The following PCSK2 variants were observed in gnomAD, a reference collection of about 807,000 sequenced individuals.
PCSK2 encodes neuroendocrine convertase 2.
Under a neutral mutation model 69.7 loss-of-function variants are expected in PCSK2, and 14 were observed. That is an observed-to-expected ratio of 0.20 (90% CI 0.13 to 0.31). The LOEUF is 0.31. Among genes scored for constraint, PCSK2 ranks in the 10% least tolerant of loss-of-function variants. PCSK2 has a pLI of 1.00. For synonymous variants in PCSK2, 307 were observed against 320.7 expected (o/e 0.96, Z 0.46); for missense variants, 544 against 842.5 (o/e 0.65, Z 4.39).
intron 7 of PCSK2, among the ~76,000 whole-genome samples, chr20:17,436,444 T>C (rs193155970): frequency 6.6e-6 from 1 of 152,344 alleles, no homozygotes; most frequent in East Asian, 1.9e-4. Context: ...AGGTGGTCTC[T>C]CCCATCATGA....
At chr20:17,481,451 T>C in intron 11 of PCSK2, 133 bp from the exon 12 acceptor site, 1 of 630,996 alleles carries the variant, frequency 1.6e-6, no homozygotes, top group Non-Finnish European at 2.7e-6. Context: ...ACAGCCAGTG[T>C]GGGAACTAAA....
In PCSK2 at chr20:17,453,679, C is replaced by A; in HGVS notation, c.886-63C>A. ...AGAAGCCCAACCCCTGGGCTGGAGA[C>A]CTCCCCTGCCCCCTCGCAGCCCAGG... On this transcript the variant is annotated intron_variant, in intron 8 of 11. Coordinates refer to ENST00000262545, the MANE Select transcript of PCSK2 (RefSeq NM_002594.5). This position sits in a 1 kb window ranked among gnomAD's most constrained non-coding sequence, Gnocchi z 4.0. The A allele has an allele frequency of 6.3e-7, 1 of 1,583,316 alleles. No homozygotes were observed. The highest frequency in any genetic ancestry group is 8.6e-7 in the Non-Finnish European group (1 of 1,163,018).
intron 2 of PCSK2, among the ~76,000 whole-genome samples, chr20:17,306,720 A>T (rs1435632838): frequency 1.3e-5 from 2 of 152,236 alleles, no homozygotes; most frequent in East Asian, 3.9e-4. Context: ...ATTTCCAGTG[A>T]CTCCAGAATC....
intron 11 of PCSK2, among the ~76,000 whole-genome samples, chr20:17,468,771 A>G (rs1600604594): frequency 6.8e-6 from 1 of 146,272 alleles, no homozygotes; most frequent in African/African-American, 2.5e-5. Context: ...ATCCTCCCAC[A>G]GACCAGCATC....
At chr20:17,334,656 G>T (rs1016176309) in intron 2 of PCSK2, among the ~76,000 whole-genome samples, 4 of 152,152 alleles carry the variant, frequency 2.6e-5, no homozygotes, top group Non-Finnish European at 5.9e-5. Context: ...GGGGCCATGA[G>T]GGGTGGAGAA....
chr20:17,423,035 A>G (rs57202642), intron 6 of PCSK2, among the ~76,000 whole-genome samples: 1,984 of 152,306 alleles, frequency 0.013, 47 homozygotes, highest in African/African-American at 0.045. Flanking sequence ...AAACATCTTT[A>G]TGATCATGAC....
chr20:17,338,618 A>C (rs1342549319), intron 2 of PCSK2, among the ~76,000 whole-genome samples: 1 of 152,150 alleles, frequency 6.6e-6, no homozygotes, highest in Non-Finnish European at 1.5e-5. Context: ...TTTGACATAA[A>C]ACTTATTTTT....
In PCSK2 at chr20:17,481,082, G is replaced by A. The variant is rs145821867; in HGVS notation, c.1431-502G>A. On this transcript the variant is annotated intron_variant, in intron 11 of 11. Coordinates refer to ENST00000262545, the MANE Select transcript of PCSK2 (RefSeq NM_002594.5). ...TCCTTCCACACAGAAGGTTCCAAGC[G>A]TAAGTAACTTGCTCACAGCCGGGCG... Among the ~76,000 whole-genome samples the A allele has an allele frequency of 2.5e-3, 387 of 152,182 alleles. 4 individuals carry two copies. Among genetic ancestry groups the A allele is most frequent in the African/African-American group, 7.8e-3 (322 of 41,522 alleles).
intron 2 of PCSK2, among the ~76,000 whole-genome samples, chr20:17,348,792 A>G (rs901535534): frequency 6.6e-6 from 1 of 152,156 alleles, no homozygotes; most frequent in African/African-American, 2.4e-5. Flanking sequence ...GACACCAGTT[A>G]TATTGGATGA....
intron 1 of PCSK2, among the ~76,000 whole-genome samples, chr20:17,231,436 C>T (rs931762112): frequency 2.6e-5 from 4 of 152,100 alleles, no homozygotes; most frequent in African/African-American, 9.7e-5. Context: ...TACCAGTATC[C>T]CTAAGTCCTT....
At chr20:17,470,755 C>T (rs1204994456) in intron 11 of PCSK2, among the ~76,000 whole-genome samples, 1 of 152,146 alleles carries the variant, frequency 6.6e-6, no homozygotes, top group Non-Finnish European at 1.5e-5. Context: ...TGTCCTTATC[C>T]ATTCCACAAG....
chr20:17,246,091 A>C (rs1215309402), intron 1 of PCSK2, among the ~76,000 whole-genome samples: 4 of 152,172 alleles, frequency 2.6e-5, no homozygotes, highest in Non-Finnish European at 5.9e-5. Flanking sequence ...CTCTGCACCT[A>C]GGACATGAGC....
chr20:17,408,581 T>C (rs942352954), intron 5 of PCSK2, among the ~76,000 whole-genome samples: 9 of 152,250 alleles, frequency 5.9e-5, no homozygotes, highest in African/African-American at 1.7e-4. Context: ...GGTACATTTC[T>C]TTGTTTGATC....
chr20:17,269,027 A>G (rs1326010792), intron 2 of PCSK2, among the ~76,000 whole-genome samples: 1 of 152,224 alleles, frequency 6.6e-6, no homozygotes, highest in Non-Finnish European at 1.5e-5. Flanking sequence ...AATGGCACTT[A>G]TGCATATGGA....
intron 11 of PCSK2, among the ~76,000 whole-genome samples, chr20:17,477,477 A>G (rs966651022): frequency 6.6e-6 from 1 of 152,190 alleles, no homozygotes; most frequent in African/African-American, 2.4e-5. Flanking sequence ...ACAAGTCTGC[A>G]TATATATGTT....
chr20:17,268,137 C>T (rs897033330), intron 2 of PCSK2, among the ~76,000 whole-genome samples: 4 of 150,394 alleles, frequency 2.7e-5, no homozygotes, highest in African/African-American at 9.8e-5. Context: ...CATAATGTAA[C>T]TCTCTTATTT....
chr20:17,325,995 CA>C lies in PCSK2; in HGVS notation c.283-32328del, dbSNP rs1315069586. On this transcript the variant is annotated intron_variant, in intron 2 of 11. Transcript: ENST00000262545. The stretch of plus-strand genomic sequence containing the variant: ...ATTCCTCTCGCTGCAATGACAGAAG[CA>C]AAAGAGGTCAAGTGGAATCACAGGA... Among the ~76,000 whole-genome samples the C allele has an allele frequency of 2.6e-5, 4 of 152,344 alleles. No homozygotes were observed. The East Asian group carries it at 7.7e-4, about 29-fold the overall frequency.
intron 2 of PCSK2, among the ~76,000 whole-genome samples, chr20:17,278,716 A>G (rs1432883383): frequency 6.6e-6 from 1 of 152,186 alleles, no homozygotes; most frequent in Non-Finnish European, 1.5e-5. Context: ...AACTTAAAGT[A>G]TAATAATGAT....
In PCSK2 at chr20:17,351,632, A is replaced by G. The variant is rs562468247; in HGVS notation, c.283-6695A>G. On this transcript the variant is annotated intron_variant, in intron 2 of 11. Transcript: ENST00000262545. The stretch of plus-strand genomic sequence containing the variant: ...CTCAATAAATGCAGAAAAAACTTTT[A>G]ATAAAATCCATCATGCCTTCAAGAA... 2.0e-5 allele frequency among the ~76,000 whole-genome samples: 3 copies of G among 151,172 alleles called. No individual in the cohort carries two copies. The South Asian group carries it at 6.3e-4, about 32-fold the overall frequency.
Sources: allele counts gnomAD v4.1 joint callset (sites outside exome capture counted in the v4.1 genomes callset), GRCh38; gene constraint gnomAD v4.1.1; non-coding constraint Gnocchi (gnomAD v3.1); transcripts MANE v1.5; gene names NCBI Gene and HGNC (gene_info 2026-07-23, HGNC 2026-07-21).